SERTM1: variants seen among roughly 807,000 people sequenced by gnomAD.
SERTM1 encodes serine rich and transmembrane domain containing 1.
SERTM1 carries 1 observed loss-of-function variant against 5.5 expected under a neutral mutation model. The observed-to-expected ratio is 0.18, with a 90% CI of 0.06 to 0.86. The LOEUF (loss-of-function observed/expected upper bound fraction) is 0.86, where lower values mean the gene tolerates loss of function less well. Ranked by LOEUF, SERTM1 falls within the 40% of genes least tolerant of loss-of-function variation. The pLI, the probability that SERTM1 is intolerant of heterozygous loss-of-function variation, is 0.69. For synonymous variants in SERTM1, 52 were observed against 55.1 expected, an observed-to-expected ratio of 0.94 and a Z score of 0.25; for missense variants, 91 against 122.4, an observed-to-expected ratio of 0.74 and a Z score of 1.21.
At chr13:36,690,829 C>T (rs1459347301) in intron 1 of SERTM1, among the ~76,000 whole-genome samples, 3 of 152,098 alleles carry the variant, frequency 2.0e-5, no homozygotes, top group Non-Finnish European at 2.9e-5. Flanking sequence ...ACTTTGTGGC[C>T]ACTTTCCTCA....
chr13:36,682,365 T>C (rs2056710610), intron 1 of SERTM1, among the ~76,000 whole-genome samples: 1 of 152,190 alleles, frequency 6.6e-6, no homozygotes, highest in Non-Finnish European at 1.5e-5. Context: ...GGTAAATAAA[T>C]GTAGTAAGTA....
intron 1 of SERTM1, among the ~76,000 whole-genome samples, chr13:36,685,759 G>A (rs79919332): frequency 6.6e-6 from 1 of 152,158 alleles, no homozygotes; most frequent in South Asian, 2.1e-4. Context: ...TGTAAGGAGT[G>A]TGAGCCTTTT....
intron 1 of SERTM1, among the ~76,000 whole-genome samples, chr13:36,693,701 G>A (rs2138100188): frequency 6.6e-6 from 1 of 152,262 alleles, no homozygotes; most frequent in African/African-American, 2.4e-5. Context: ...AGAAGGAAAA[G>A]GCAAGTTCTC....
intron 1 of SERTM1, among the ~76,000 whole-genome samples, chr13:36,690,517 TTC>T (rs1272553521): frequency 1.3e-5 from 2 of 152,188 alleles, no homozygotes; most frequent in Admixed American, 6.5e-5. Flanking sequence ...AGCAGTAATC[TTC>T]TCTCAGCTAG....
At chr13:36,684,072 C>G (rs2056724354) in intron 1 of SERTM1, among the ~76,000 whole-genome samples, 1 of 152,122 alleles carries the variant, frequency 6.6e-6, no homozygotes, top group African/African-American at 2.4e-5. Context: ...CTGAGGCAGA[C>G]ATATTTCCTG....
chr13:36,688,323 C>T (rs1343369309), intron 1 of SERTM1, among the ~76,000 whole-genome samples: 1 of 152,000 alleles, frequency 6.6e-6, no homozygotes, highest in East Asian at 1.9e-4. Flanking sequence ...AAGCAATGCT[C>T]CCACCTCAGC....
intron 1 of SERTM1, among the ~76,000 whole-genome samples, chr13:36,675,197 A>G (rs1208145608): frequency 6.6e-6 from 1 of 150,756 alleles, no homozygotes; most frequent in Non-Finnish European, 1.5e-5. Flanking sequence ...TCTTCGGAAA[A>G]TGTTCTGCTA....
At chr13:36,690,764 C>A (rs1028761055) in intron 1 of SERTM1, among the ~76,000 whole-genome samples, 2 of 152,180 alleles carry the variant, frequency 1.3e-5, no homozygotes, top group African/African-American at 4.8e-5. Flanking sequence ...TTCCATTCAA[C>A]TATCAAATCT....
chr13:36,687,285 G>C (rs1385244303), intron 1 of SERTM1, among the ~76,000 whole-genome samples: 1 of 152,154 alleles, frequency 6.6e-6, no homozygotes, highest in African/African-American at 2.4e-5. Context: ...ATGCATATTT[G>C]TGATGTTCTA....
intron 1 of SERTM1, among the ~76,000 whole-genome samples, chr13:36,688,721 A>G (rs758151480): frequency 4.6e-5 from 7 of 152,208 alleles, no homozygotes; most frequent in Non-Finnish European, 1.0e-4. Context: ...AATATCTTGA[A>G]AAGCCAATCT....
At chr13:36,689,607 T>C (rs1296596697) in intron 1 of SERTM1, among the ~76,000 whole-genome samples, 1 of 150,380 alleles carries the variant, frequency 6.6e-6, no homozygotes, top group East Asian at 1.9e-4. Flanking sequence ...CTATAATTAC[T>C]TTTGAGACTG....
Position 36,695,720 on chromosome 13 carries a change from G to A in SERTM1, c.*318G>A, listed in dbSNP as rs553354441. 3.3e-5 allele frequency: 10 copies of A among 303,334 alleles called. No homozygotes were observed. The highest frequency in any genetic ancestry group is 8.9e-5 in the South Asian group (1 of 11,212). 18.8% of individuals were successfully genotyped at this position (303,334 alleles called of 1,614,324 possible). A position where few individuals can be genotyped will look rare whatever the true frequency, so the allele number is the denominator to read the frequency against. On this transcript the variant is annotated 3_prime_UTR_variant, in exon 2 of 2. Transcript: ENST00000315190. The stretch of plus-strand genomic sequence containing the variant: ...TAGGCTCATCTGAGGTGGCCTCTCC[G>A]TGGATGCTGGACATGGACTCGCACT...
intron 1 of SERTM1, among the ~76,000 whole-genome samples, chr13:36,687,528 T>TA (rs1308123529): frequency 3.3e-5 from 5 of 152,142 alleles, no homozygotes; most frequent in Non-Finnish European, 7.4e-5. Flanking sequence ...AAATTGTGCC[T>TA]ATACACATGA....
At chr13:36,677,913 AC>A (rs1310042466) in intron 1 of SERTM1, among the ~76,000 whole-genome samples, 3 of 152,254 alleles carry the variant, frequency 2.0e-5, no homozygotes, top group Admixed American at 6.5e-5. Flanking sequence ...ATGCAATGCT[AC>A]CTCCAAGTAC....
At chr13:36,691,233 G>T (rs1255657773) in intron 1 of SERTM1, among the ~76,000 whole-genome samples, 1 of 152,144 alleles carries the variant, frequency 6.6e-6, no homozygotes, top group Non-Finnish European at 1.5e-5. Context: ...GGAGAATGAA[G>T]GTACGTGCTA....
At chr13:36,676,325 A>G (rs1357907314) in intron 1 of SERTM1, among the ~76,000 whole-genome samples, 4 of 151,912 alleles carry the variant, frequency 2.6e-5, no homozygotes, top group African/African-American at 4.8e-5. Context: ...CAGCCTCTAT[A>G]CTAGATAAAG....
intron 1 of SERTM1, among the ~76,000 whole-genome samples, chr13:36,674,891 T>C (rs888715098): frequency 1.3e-5 from 2 of 152,126 alleles, no homozygotes; most frequent in Non-Finnish European, 2.9e-5. Context: ...CCAGCGACCC[T>C]TCCCCTCTTC....
intron 1 of SERTM1, among the ~76,000 whole-genome samples, chr13:36,691,863 C>CT (rs2056780641): frequency 6.6e-6 from 1 of 152,124 alleles, no homozygotes; most frequent in Non-Finnish European, 1.5e-5. Flanking sequence ...GTCACAATGC[C>CT]TAAACACATA....
At position 36,695,471 on chromosome 13, in the gene SERTM1, AT is replaced by A. The variant is rs1325412386; in HGVS notation, c.*71del. The A allele has an allele frequency of 9.0e-7, 1 of 1,116,378 alleles. No homozygotes were observed. Among genetic ancestry groups the A allele is most frequent in the African/African-American group, 1.6e-5 (1 of 64,020 alleles). 69.2% of individuals were successfully genotyped at this position (1,116,378 alleles called of 1,614,324 possible). A position where few individuals can be genotyped will look rare whatever the true frequency, so the allele number is the denominator to read the frequency against. On this transcript the variant is annotated 3_prime_UTR_variant, in exon 2 of 2. Coordinates refer to ENST00000315190, the MANE Select transcript of SERTM1 (RefSeq NM_203451.3). Reference sequence around the variant, plus strand: ...CCCTTACGGAAGTGTCCCGTGAGGCATTGCCTCATGAAAGAAATGATCCTTT... The same window carrying A: ...CCCTTACGGAAGTGTCCCGTGAGGCATGCCTCATGAAAGAAATGATCCTTT...
Sources: gnomAD v4.1 joint callset for allele counts (sites outside exome capture counted in the v4.1 genomes callset) on GRCh38, gnomAD v4.1.1 for gene constraint, MANE v1.5 for transcripts, NCBI Gene and HGNC (gene_info 2026-07-23, HGNC 2026-07-21) for gene names.